The following CCDC73 variants were observed in gnomAD, a reference collection of about 807,000 sequenced individuals.
The protein encoded by CCDC73 is coiled-coil domain-containing protein 73.
CCDC73 carries 95 observed loss-of-function variants against 116.5 expected under a neutral mutation model. The observed-to-expected ratio is 0.82, with a 90% CI of 0.69 to 0.97. The LOEUF is 0.97. Ranked by LOEUF, CCDC73 falls within the 50% of genes least tolerant of loss-of-function variation. CCDC73 has a pLI of 0.00. For missense variants in CCDC73, 1,066 were observed against 1,206.8 expected (o/e 0.88, Z 1.73); for synonymous variants, 398 against 401.3 (o/e 0.99, Z 0.10).
chr11:32,677,922 A>G (rs1219908519), intron 7 of CCDC73, among the ~76,000 whole-genome samples: 2 of 133,236 alleles, frequency 1.5e-5, no homozygotes, highest in African/African-American at 5.6e-5. Context: ...ACTGCACTCC[A>G]GCCTAGGCAA....
chr11:32,639,022 C>A (rs908062649), intron 13 of CCDC73, among the ~76,000 whole-genome samples: 2 of 151,490 alleles, frequency 1.3e-5, no homozygotes, highest in Non-Finnish European at 2.9e-5. Context: ...GTGGCCTGCG[C>A]CTGTAGTCCC....
the CCDC73 span, among the ~76,000 whole-genome samples, chr11:32,829,129 T>G: frequency 6.6e-6 from 1 of 152,118 alleles, no homozygotes; most frequent in African/African-American, 2.4e-5. Flanking sequence ...GAAAAAAAAT[T>G]AAGTTCACAA....
chr11:32,681,919 G>T (rs1169979812), intron 7 of CCDC73: 1 of 151,614 alleles, frequency 6.6e-6, no homozygotes, highest in Non-Finnish European at 1.5e-5. Flanking sequence ...CTGCCAGAAT[G>T]AATATAAAAT....
the CCDC73 span, among the ~76,000 whole-genome samples, chr11:32,809,238 C>T: frequency 1.6e-3 from 241 of 152,308 alleles, 3 homozygotes; most frequent in East Asian, 0.014. Context: ...GTGCAAGCAA[C>T]TGAAATCAGC....
intron 1 of CCDC73, among the ~76,000 whole-genome samples, chr11:32,779,337 G>A (rs1184068791): frequency 2.0e-5 from 3 of 149,798 alleles, no homozygotes; most frequent in Non-Finnish European, 4.4e-5. Context: ...GGTACTTCCT[G>A]TTTCAAATAT....
intron 9 of CCDC73, among the ~76,000 whole-genome samples, chr11:32,658,570 T>C (rs1278384011): frequency 6.6e-6 from 1 of 152,214 alleles, no homozygotes; most frequent in Non-Finnish European, 1.5e-5. Flanking sequence ...GGAGAATTAT[T>C]TATCATTTCT....
In CCDC73 at chr11:32,623,824, G is replaced by A. The variant is rs369567552; in HGVS notation, c.1186-7695C>T. On this transcript the variant is annotated intron_variant, in intron 14 of 17. Coordinates refer to ENST00000335185, the MANE Select transcript of CCDC73 (RefSeq NM_001008391.4). ...TATTTGTTTACTTTTTAAAATGGGA[G>A]GGGCTTAAGCATGTTTAATTGCAAA... Among the ~76,000 whole-genome samples, 9 of 152,166 alleles carry A rather than the reference G, an allele frequency of 5.9e-5. No homozygotes were observed. In the South Asian group the frequency reaches 1.7e-3, roughly 28 times the overall value.
chr11:32,815,337 G>GC, the CCDC73 span, among the ~76,000 whole-genome samples: 10 of 148,934 alleles, frequency 6.7e-5, no homozygotes, highest in African/African-American at 2.5e-4. Context: ...TATTATTTTT[G>GC]CTTTTTTTTT....
At chr11:32,776,936 A>AATATATATATATATAT (rs1169476616) in intron 1 of CCDC73, among the ~76,000 whole-genome samples, 1 of 36,464 alleles carries the variant, frequency 2.7e-5, no homozygotes, top group South Asian at 7.1e-4. Flanking sequence ...AAAAAAAAAA[A>AATATATATATATATAT]ATATATATAT....
intron 12 of CCDC73, among the ~76,000 whole-genome samples, chr11:32,643,023 A>G (rs1855747247): frequency 6.6e-6 from 1 of 151,764 alleles, no homozygotes; most frequent in South Asian, 2.1e-4. Flanking sequence ...ACCATATCAT[A>G]CACTGTTCTG....
intron 6 of CCDC73, among the ~76,000 whole-genome samples, chr11:32,698,622 T>C (rs1313826299): frequency 6.6e-6 from 1 of 152,194 alleles, no homozygotes; most frequent in African/African-American, 2.4e-5. Flanking sequence ...GGCATGAATA[T>C]CGTCTTCCCA....
intron 2 of CCDC73, among the ~76,000 whole-genome samples, chr11:32,745,745 G>GTTTTTTTTTTTTTTT (rs140610634): frequency 8.8e-6 from 1 of 113,914 alleles, no homozygotes; most frequent in Non-Finnish European, 1.8e-5. Flanking sequence ...GTTTGTTTTG[G>GTTTTTTTTTTTTTTT]TTTTTTTTTT....
chr11:32,648,644 C>T (rs1855800245), intron 12 of CCDC73, among the ~76,000 whole-genome samples: 1 of 152,042 alleles, frequency 6.6e-6, no homozygotes, highest in South Asian at 2.1e-4. Flanking sequence ...CTCTGCCTCC[C>T]AGGTTCAAGC....
At chr11:32,749,211 T>C (rs1306371414) in intron 2 of CCDC73, among the ~76,000 whole-genome samples, 2 of 152,060 alleles carry the variant, frequency 1.3e-5, no homozygotes, top group Non-Finnish European at 2.9e-5. Flanking sequence ...CTCGATTTTG[T>C]ATGTGTGTTT....
At chr11:32,815,562 A>G in the CCDC73 span, among the ~76,000 whole-genome samples, 1 of 152,206 alleles carries the variant, frequency 6.6e-6, no homozygotes, top group Non-Finnish European at 1.5e-5. Flanking sequence ...GGTAATGTAC[A>G]CTTAGCAAGA....
At chr11:32,711,891 T>C (rs1013622082) in intron 3 of CCDC73, among the ~76,000 whole-genome samples, 2 of 152,166 alleles carry the variant, frequency 1.3e-5, no homozygotes, top group African/African-American at 4.8e-5. Context: ...ATGGGAGTCA[T>C]CAGGGTCTAA....
At chr11:32,703,473 G>C (rs1188136651) in intron 3 of CCDC73, among the ~76,000 whole-genome samples, 1 of 150,170 alleles carries the variant, frequency 6.7e-6, no homozygotes. Flanking sequence ...AAAAAACATT[G>C]CTTCTAAAAC....
chr11:32,665,047 C>T (rs556338696), intron 9 of CCDC73, among the ~76,000 whole-genome samples: 121 of 152,120 alleles, frequency 8.0e-4, no homozygotes, highest in African/African-American at 2.7e-3. Context: ...TTCTGTTCTT[C>T]TACATTTGCT....
At chr11:32,789,117 T>C (rs1850651522) in intron 1 of CCDC73, among the ~76,000 whole-genome samples, 1 of 152,172 alleles carries the variant, frequency 6.6e-6, no homozygotes, top group Non-Finnish European at 1.5e-5. Flanking sequence ...GGAGATGAGA[T>C]TTTAGGCTAC....
Sources: allele counts gnomAD v4.1 joint callset (sites outside exome capture counted in the v4.1 genomes callset), GRCh38; gene constraint gnomAD v4.1.1; transcripts MANE v1.5; gene names NCBI Gene and HGNC (gene_info 2026-07-23, HGNC 2026-07-21).